BOP1: variants seen among roughly 807,000 people sequenced by gnomAD.
BOP1 encodes BOP1 ribosomal biogenesis factor.
Under a neutral mutation model 82.9 loss-of-function variants are expected in BOP1, and 54 were observed. The ratio of observed to expected loss-of-function variants is 0.65; its 90% CI spans 0.52 to 0.82. BOP1 has a LOEUF of 0.82. Among genes scored for constraint, BOP1 ranks in the 40% least tolerant of loss-of-function variants. The pLI, the probability that BOP1 is intolerant of heterozygous loss-of-function variation, is 0.00. For missense variants in BOP1, 1,170 were observed against 1,072.0 expected (o/e 1.09, Z -1.28); for synonymous variants, 566 against 451.1 (o/e 1.25, Z -3.23).
intron 2 of BOP1, among the ~76,000 whole-genome samples, chr8:144,279,810 C>A (rs1374738691): frequency 6.6e-6 from 1 of 152,198 alleles, no homozygotes; most frequent in East Asian, 1.9e-4. Context: ...GAGACCACGT[C>A]CTTGCAGCCC....
intron 3 of BOP1, chr8:144,265,369 G>A (rs1809973683): frequency 1.8e-6 from 1 of 543,552 alleles, no homozygotes; most frequent in Non-Finnish European, 3.3e-6. Context: ...CAGGGCTCTG[G>A]GCAGCCACAG....
intron 3 of BOP1, among the ~76,000 whole-genome samples, chr8:144,273,854 G>T (rs1845531718): frequency 1.3e-5 from 2 of 152,170 alleles, no homozygotes; most frequent in Admixed American, 6.5e-5. Context: ...CAGGGGCTCC[G>T]CCCGCCTCCC....
At chr8:144,289,900 GAT>G (rs1318386365) in intron 1 of BOP1, among the ~76,000 whole-genome samples, 1 of 152,232 alleles carries the variant, frequency 6.6e-6, no homozygotes, top group Non-Finnish European at 1.5e-5. Context: ...TCACAGGAAT[GAT>G]AGAGACTCTA....
chr8:144,267,064 C>T, intron 3 of BOP1: 10 of 1,450,654 alleles, frequency 6.9e-6, no homozygotes, highest in Non-Finnish European at 8.1e-6. Flanking sequence ...CGCCTTCTTC[C>T]ACGCGGCGCG....
At chr8:144,283,611 C>A (rs1814777916) in intron 2 of BOP1, among the ~76,000 whole-genome samples, 1 of 152,210 alleles carries the variant, frequency 6.6e-6, no homozygotes, top group African/African-American at 2.4e-5. Context: ...CTGGGCCCAG[C>A]CTGTGACTCA....
chr8:144,285,726 G>A (rs1333265673), intron 2 of BOP1, among the ~76,000 whole-genome samples: 8 of 152,240 alleles, frequency 5.3e-5, no homozygotes, highest in Non-Finnish European at 1.0e-4. Flanking sequence ...CTTGGGTTGA[G>A]GACCCACAAC....
chr8:144,266,482 C>G, intron 3 of BOP1: 1 of 985,354 alleles, frequency 1.0e-6, no homozygotes. Context: ...CGCGCGACGC[C>G]CGGCAGCTGC....
Position 144,262,652 on chromosome 8 carries a change from TC to T in BOP1, c.1914del (p.Ser639AlafsTer21). 6.2e-7 allele frequency: 1 copy of T among 1,613,306 alleles called. No homozygotes were observed. The highest frequency in any genetic ancestry group is 8.5e-7 in the Non-Finnish European group (1 of 1,179,800). On this transcript the variant is annotated frameshift_variant, in exon 14 of 16. Coordinates refer to ENST00000569669, the MANE Select transcript of BOP1 (RefSeq NM_015201.5). LOFTEE classifies it high-confidence loss of function. The part of the protein sequence containing the change: ...VHPAGDNVIC[G>X]SYDSKLVWFD... ...AACCACACCAGCTTGCTATCGTAGC[TC>T]CCACAGATGACGTTGTCACCTAGGG...
intron 2 of BOP1, among the ~76,000 whole-genome samples, chr8:144,285,816 G>A (rs1161470420): frequency 2.0e-5 from 3 of 152,246 alleles, no homozygotes; most frequent in Admixed American, 1.3e-4. Flanking sequence ...CTGGTGGCCC[G>A]GCCCCGTGGA....
In BOP1 at chr8:144,289,173, G is replaced by A. The variant is rs199763488; in HGVS notation, c.231C>T (p.Gly77=). 2.4e-5 allele frequency: 39 copies of A among 1,614,004 alleles called. 1 individual carries two copies. The Middle Eastern group carries it at 6.6e-4, about 27-fold the overall frequency. The change falls in exon 2 of 16, where the codon GGC becomes GGT. Residue 77 remains glycine, a synonymous_variant. Coordinates refer to ENST00000569669, the MANE Select transcript of BOP1 (RefSeq NM_015201.5). ...GSDSSEDDDE[G]DEEGEDGALD... ...GGGCTCCGTCCTCTCCCTCCTCGTC[G>A]CCTTCGTCATCATCCTCACTGCTGT... is the stretch of plus-strand genomic sequence containing the variant.
chr8:144,271,224 C>T (rs1360700594), intron 3 of BOP1, among the ~76,000 whole-genome samples: 3 of 152,092 alleles, frequency 2.0e-5, no homozygotes, highest in Admixed American at 6.5e-5. Flanking sequence ...TTTCCGCTCT[C>T]GATGAGCCCC....
intron 1 of BOP1, among the ~76,000 whole-genome samples, chr8:144,290,941 G>A (rs1345138887): frequency 6.6e-6 from 1 of 152,254 alleles, no homozygotes; most frequent in Non-Finnish European, 1.5e-5. Context: ...CAATTAACTA[G>A]CGTATACGTA....
In BOP1 at chr8:144,262,718, G is replaced by A. The variant is rs1005237925; in HGVS notation, c.1895-46C>T. ...GCAGGTGTTCCCGCTCTCACCTGCA[G>A]GGTGCACTGCCCTGCCCGTCACCTA... On this transcript the variant is annotated intron_variant, in intron 13 of 15. Transcript: ENST00000569669. The A allele has an allele frequency of 1.6e-4, 248 of 1,599,362 alleles. 1 individual carries two copies. In the East Asian group the frequency reaches 3.5e-3, roughly 22 times the overall value.
intron 2 of BOP1, among the ~76,000 whole-genome samples, chr8:144,285,644 T>G (rs1554839380): frequency 6.6e-6 from 1 of 152,160 alleles, no homozygotes; most frequent in South Asian, 2.1e-4. Context: ...CAGGAGAAGC[T>G]GCTGTGTCAC....
rs1845300309 is a variant in BOP1, at chr8:144,264,034, G to A, written c.1087C>T (p.Arg363Cys). 2.5e-5 allele frequency: 40 copies of A among 1,609,574 alleles called. No homozygotes were observed. The South Asian group carries it at 3.5e-4, about 14-fold the overall frequency. The change falls in exon 8 of 16, where the codon CGC (arginine) becomes TGC (cysteine). Residue 363 changes from arginine (R) to cysteine (C), a missense_variant. Transcript: ENST00000569669. Reference sequence around the variant, plus strand: ...TACAGGTCAAGGCAGCGCTCGAAGCGTTCCTGGATGAAGCGTCCGTAGGCA... The same window carrying A: ...TACAGGTCAAGGCAGCGCTCGAAGCATTCCTGGATGAAGCGTCCGTAGGCA... ...VPAYGRFIQERFERCLDLYLC... is the reference protein window; with the variant it reads ...VPAYGRFIQECFERCLDLYLC...
chr8:144,282,836 T>C (rs1417543375), intron 2 of BOP1, among the ~76,000 whole-genome samples: 1 of 151,816 alleles, frequency 6.6e-6, no homozygotes, highest in African/African-American at 2.4e-5. Context: ...TGAGTGCACC[T>C]CACAAAACAC....
chr8:144,265,063 C>G lies in BOP1; in HGVS notation c.399G>C (p.Arg133=). The G allele has an allele frequency of 6.2e-7, 1 of 1,609,760 alleles. No homozygotes were observed. Among genetic ancestry groups the G allele is most frequent in the South Asian group, 1.1e-5 (1 of 90,900 alleles). Residue 133 remains arginine, a synonymous_variant, in exon 4 of 16, where the codon CGG becomes CGC. Transcript: ENST00000569669. ...AEDSSDEEDI[R]NTVGNVPLEW... ...CCAAGGGCACGTTGCCCACCGTGTT[C>G]CGGATGTCCTGCAGCCGGGGGCCAC...
At chr8:144,269,406 G>C (rs1588594133) in intron 3 of BOP1, among the ~76,000 whole-genome samples, 1 of 152,212 alleles carries the variant, frequency 6.6e-6, no homozygotes, top group East Asian at 1.9e-4. Flanking sequence ...ACCCTCGGGG[G>C]GAGACCAGGT....
In BOP1 at chr8:144,263,603, G is replaced by C. The variant is rs1287048054; in HGVS notation, c.1299C>G (p.Asp433Glu). 1 of 1,607,376 alleles carries C rather than the reference G, an allele frequency of 6.2e-7. No homozygotes were observed. Among genetic ancestry groups the C allele is most frequent in the East Asian group, 2.2e-5 (1 of 44,882 alleles). Residue 433 changes from aspartate to glutamate, a missense_variant, in exon 11 of 16, where the codon GAC (aspartate) becomes GAG (glutamate). Coordinates refer to ENST00000569669, the MANE Select transcript of BOP1 (RefSeq NM_015201.5). ...CCTCCCAGAGCCGCAGGGAGCCGTCGTCAGAGCCTGGATGCGGCAGAGACA... is the reference window on the plus strand; with the variant it reads ...CCTCCCAGAGCCGCAGGGAGCCGTCCTCAGAGCCTGGATGCGGCAGAGACA... Reference protein sequence around the residue: ...PGGQWLVSGSDDGSLRLWEVA... With the variant: ...PGGQWLVSGSEDGSLRLWEVA...
Sources: gnomAD v4.1 joint callset for allele counts (sites outside exome capture counted in the v4.1 genomes callset) on GRCh38, gnomAD v4.1.1 for gene constraint, MANE v1.5 for transcripts, NCBI Gene and HGNC (gene_info 2026-07-23, HGNC 2026-07-21) for gene names.